DCAF1: variants seen among roughly 807,000 people sequenced by gnomAD.
DCAF1 encodes the protein DDB1- and CUL4-associated factor 1.
In DCAF1, 15 loss-of-function variants were observed where a neutral mutation model predicts 128.0. The observed-to-expected ratio is 0.12, with a 90% CI of 0.08 to 0.18. DCAF1 has a LOEUF of 0.18. DCAF1 is among the 10% of genes least tolerant of loss of function. DCAF1 has a pLI of 1.00. For synonymous variants in DCAF1, 610 were observed against 603.0 expected (o/e 1.01, Z -0.17); for missense variants, 988 against 1,649.5 (o/e 0.60, Z 6.95).
chr3:51,444,795 C>T (rs1701688353), intron 6 of DCAF1, among the ~76,000 whole-genome samples: 1 of 152,164 alleles, frequency 6.6e-6, no homozygotes, highest in Middle Eastern at 3.4e-3. Context: ...CCTGCCTTAG[C>T]CTCCCGAGTA....
At chr3:51,411,391 T>G (rs532966970) in intron 23 of DCAF1, among the ~76,000 whole-genome samples, 1 of 152,052 alleles carries the variant, frequency 6.6e-6, no homozygotes. Context: ...GAATGTACTC[T>G]TGGAAAGAGA....
At chr3:51,484,873 C>G (rs1326296040) in intron 2 of DCAF1, among the ~76,000 whole-genome samples, 26 of 149,742 alleles carry the variant, frequency 1.7e-4, no homozygotes, top group Admixed American at 8.0e-4. Context: ...AGTAGAGACG[C>G]AGTTTCACCA....
At chr3:51,414,312 T>C (rs1698689241) in intron 19 of DCAF1, among the ~76,000 whole-genome samples, 1 of 152,218 alleles carries the variant, frequency 6.6e-6, no homozygotes, top group African/African-American at 2.4e-5. Flanking sequence ...TGGCAACTGA[T>C]TTTTTACAGA....
At chr3:51,403,465 C>T (rs2089883107) in intron 23 of DCAF1, 70 bp from the exon 24 acceptor site, 4 of 1,523,444 alleles carry the variant, frequency 2.6e-6, no homozygotes, top group East Asian at 2.5e-5. Context: ...CATGGCGGGT[C>T]GACCAAAGAG....
chr3:51,476,180 G>A (rs1553650487), intron 3 of DCAF1, among the ~76,000 whole-genome samples: 1 of 151,502 alleles, frequency 6.6e-6, no homozygotes, highest in Non-Finnish European at 1.5e-5. Context: ...GTCACTTGAG[G>A]TCAGGAGGTC....
rs1553632006 is a variant in DCAF1 at position 51,420,239 on chromosome 3, T to C, written c.2731A>G (p.Thr911Ala). Residue 911 changes from threonine to alanine, a missense_variant, in exon 15 of 25, where the codon ACT (threonine) becomes GCT (alanine). Thr to Ala is a moderately conservative substitution (Grantham distance 58). This residue lies in a region of DCAF1 where 88 missense variants were observed against 107.7 expected (regional missense o/e 0.82). Coordinates refer to ENST00000684031, the MANE Select transcript of DCAF1 (RefSeq NM_001387579.1). The surrounding 1 kb of genome is among the most constrained non-coding windows in gnomAD (Gnocchi z 6.5). ...ACAGCAGCATGGCTGCCCAGACGAG[T>C]TGCAATGCCATTAGCGATACGAGGG... ...RTPRIANGIATRLGSHAAVGA... is the reference protein window; with the variant it reads ...RTPRIANGIAARLGSHAAVGA... 1.2e-6 allele frequency: 2 copies of C among 1,613,766 alleles called. No homozygotes were observed. The highest frequency in any genetic ancestry group is 2.2e-5 in the East Asian group (1 of 44,870).
chr3:51,444,753 A>G (rs1285824109), intron 6 of DCAF1, among the ~76,000 whole-genome samples: 1 of 151,984 alleles, frequency 6.6e-6, no homozygotes, highest in Admixed American at 6.6e-5. Flanking sequence ...TCGGCTCACT[A>G]CAAGCTCTGC....
At chr3:51,479,365 G>A (rs1352628902) in intron 3 of DCAF1, among the ~76,000 whole-genome samples, 3 of 152,048 alleles carry the variant, frequency 2.0e-5, no homozygotes, top group Non-Finnish European at 2.9e-5. Flanking sequence ...TAGCCAGGCA[G>A]GGTGGTGTGT....
At chr3:51,500,081 G>C (rs1373083129), upstream of DCAF1, 1 of 138,422 alleles carries the variant, frequency 7.2e-6, no homozygotes, top group Non-Finnish European at 1.5e-5. Context: ...AGGACCGCGA[G>C]CAAGGGGCGG....
Position 51,427,492 on chromosome 3 carries a change from A to G in DCAF1, c.1727T>C (p.Ile576Thr), listed in dbSNP as rs201638785. The change falls in exon 13 of 25, where the codon ATA becomes ACA. Residue 576 changes from isoleucine to threonine, a missense_variant. Around this residue, in one of 11 missense-constraint regions of DCAF1, gnomAD observed 185 missense variants for 248.1 expected, o/e 0.75. Coordinates refer to ENST00000684031, the MANE Select transcript of DCAF1 (RefSeq NM_001387579.1). ...ATATAGCTGCGCTGGGCCATATTCT[A>G]TCAAAAATTCCATCATTTCCACAAT... The part of the protein sequence containing the change: ...EQIVEMMEFL[I>T]EYGPAQLYWE... 9 of 776,460 alleles carry G rather than the reference A, an allele frequency of 1.2e-5. No individual in the cohort carries two copies. The highest frequency in any genetic ancestry group is 2.2e-5 in the Non-Finnish European group (9 of 416,064). 48.1% of individuals were successfully genotyped at this position (776,460 alleles called of 1,614,324 possible).
intron 7 of DCAF1, among the ~76,000 whole-genome samples, chr3:51,442,776 T>C (rs578196959): frequency 3.0e-4 from 45 of 152,038 alleles, no homozygotes; most frequent in Admixed American, 1.4e-3. Context: ...GAATAGTGGA[T>C]AGATAAAAGG....
At chr3:51,436,316 TAACA>T (rs1700823942) in intron 9 of DCAF1, 3 of 509,568 alleles carry the variant, frequency 5.9e-6, no homozygotes, top group Admixed American at 4.0e-5. Flanking sequence ...GAAAGAGAAC[TAACA>T]AACACTGGGC....
At position 51,479,409 on chromosome 3, in the gene DCAF1, G is replaced by C. The variant is rs1010502413; in HGVS notation, c.110+4310C>G. ...TCCCAGCTACTCCAGAAGCTGAGGT[G>C]GGAGAATCAACTAAGCCCAGGAAGT... On this transcript the variant is annotated intron_variant, in intron 3 of 24. Coordinates refer to ENST00000684031, the MANE Select transcript of DCAF1 (RefSeq NM_001387579.1). Among the ~76,000 whole-genome samples the C allele has an allele frequency of 2.0e-5, 3 of 151,958 alleles. No individual in the cohort carries two copies. In the East Asian group the frequency reaches 5.8e-4, roughly 29 times the overall value.
chr3:51,485,134 C>G (rs1553654831), intron 2 of DCAF1, among the ~76,000 whole-genome samples: 1 of 152,106 alleles, frequency 6.6e-6, no homozygotes, highest in Non-Finnish European at 1.5e-5. Context: ...AGGCTGATCT[C>G]GAACTCCTGA....
At chr3:51,429,710 CA>C (rs1252671284) in intron 11 of DCAF1, among the ~76,000 whole-genome samples, 5 of 151,572 alleles carry the variant, frequency 3.3e-5, no homozygotes, top group Non-Finnish European at 7.4e-5. Context: ...AAACTCATAC[CA>C]AAAAATGAAC....
intron 1 of DCAF1, among the ~76,000 whole-genome samples, chr3:51,499,382 G>A (rs1708586672): frequency 6.6e-6 from 1 of 152,174 alleles, no homozygotes; most frequent in Non-Finnish European, 1.5e-5. Flanking sequence ...GGTGCAGGGA[G>A]AGGTGGCACG....
chr3:51,481,183 A>G (rs1706148563), intron 3 of DCAF1, among the ~76,000 whole-genome samples: 1 of 152,230 alleles, frequency 6.6e-6, no homozygotes, highest in African/African-American at 2.4e-5. Context: ...GCCACATCAT[A>G]AATGGCCACA....
chr3:51,432,789 T>C lies in DCAF1; in HGVS notation c.1287+317A>G, dbSNP rs1479206464. 3.3e-5 allele frequency among the ~76,000 whole-genome samples: 5 copies of C among 152,146 alleles called. No individual in the cohort carries two copies. The South Asian group carries it at 6.2e-4, about 19-fold the overall frequency. Reference sequence around the variant, plus strand: ...TTTTTACAATAACTCATAAATGTCATTGCACTAAGACATCGGAAAAGTGCC... The same window carrying C: ...TTTTTACAATAACTCATAAATGTCACTGCACTAAGACATCGGAAAAGTGCC... On this transcript the variant is annotated intron_variant, in intron 10 of 24. Coordinates refer to ENST00000684031, the MANE Select transcript of DCAF1 (RefSeq NM_001387579.1).
intron 1 of DCAF1, among the ~76,000 whole-genome samples, 192 bp downstream of exon 1, chr3:51,499,681 C>G (rs1469697183): frequency 6.6e-6 from 1 of 151,772 alleles, no homozygotes; most frequent in African/African-American, 2.4e-5. Flanking sequence ...GGACAAGAAT[C>G]AGGAGGAGGA....
Sources: allele counts gnomAD v4.1 joint callset (sites outside exome capture counted in the v4.1 genomes callset), GRCh38; gene constraint gnomAD v4.1.1; regional missense constraint gnomAD v4.1.1; non-coding constraint Gnocchi (gnomAD v3.1); transcripts MANE v1.5; gene names NCBI Gene and HGNC (gene_info 2026-07-23, HGNC 2026-07-21).